The following BSPH1 variants were observed in gnomAD, a reference collection of about 807,000 sequenced individuals.
The protein encoded by BSPH1 is binder of sperm 1.
BSPH1 carries 21 observed loss-of-function variants against 22.5 expected under a neutral mutation model. The observed-to-expected ratio is 0.93, with a 90% CI of 0.66 to 1.35. The LOEUF (loss-of-function observed/expected upper bound fraction) is 1.35, where lower values mean the gene tolerates loss of function less well. Ranked by LOEUF, BSPH1 falls within the 40% of genes most tolerant of loss-of-function variation. The probability of loss-of-function intolerance (pLI) is 0.00; values close to 1 mark genes in which losing one functional copy is unlikely to be tolerated. For synonymous variants in BSPH1, 42 were observed against 53.6 expected (o/e 0.78, Z 0.95); for missense variants, 141 against 154.2 (o/e 0.91, Z 0.45).
chr19:47,972,398 C>T (rs2122239067), intron 5 of BSPH1, among the ~76,000 whole-genome samples: 1 of 150,466 alleles, frequency 6.6e-6, no homozygotes, highest in Middle Eastern at 3.4e-3. Context: ...ACATAATAAA[C>T]ATAGTGCTTT....
intron 5 of BSPH1, among the ~76,000 whole-genome samples, chr19:47,971,995 T>G (rs562233076): frequency 1.1e-5 from 1 of 92,454 alleles, no homozygotes; most frequent in Non-Finnish European, 2.3e-5. Flanking sequence ...GTTCATAGTC[T>G]TTGAAGAAAA....
chr19:47,973,169 A>G (rs1168906890), intron 5 of BSPH1, among the ~76,000 whole-genome samples: 2 of 151,062 alleles, frequency 1.3e-5, no homozygotes, highest in African/African-American at 4.9e-5. Context: ...GTGAGCCGAG[A>G]TCGCGCCACT....
intron 1 of BSPH1, 131 bp downstream of exon 1, chr19:47,991,878 T>C: frequency 2.3e-6 from 1 of 439,224 alleles, no homozygotes; most frequent in Non-Finnish European, 4.3e-6. Context: ...TCCTTCCTCC[T>C]CCTTCCCCTC....
intron 1 of BSPH1, among the ~76,000 whole-genome samples, chr19:47,991,376 C>T (rs1966872824): frequency 6.6e-6 from 1 of 151,862 alleles, no homozygotes; most frequent in Non-Finnish European, 1.5e-5. Context: ...TTCCCTCCTC[C>T]CCACTTCTTC....
intron 1 of BSPH1, among the ~76,000 whole-genome samples, chr19:47,991,196 C>T (rs1019249740): frequency 2.6e-5 from 4 of 152,012 alleles, no homozygotes; most frequent in Non-Finnish European, 5.9e-5. Flanking sequence ...TTAAATACAG[C>T]GCCGACCACA....
At chr19:47,986,609 G>A (rs374827900) in intron 1 of BSPH1, among the ~76,000 whole-genome samples, 2 of 152,146 alleles carry the variant, frequency 1.3e-5, no homozygotes, top group South Asian at 2.1e-4. Flanking sequence ...GCTGGGCATG[G>A]TGGCGTGCAC....
intron 2 of BSPH1, chr19:47,980,416 T>A: frequency 1.9e-6 from 1 of 533,136 alleles, no homozygotes; most frequent in Non-Finnish European, 2.4e-6. Context: ...TGTAATGACA[T>A]GTTTAATCAC....
chr19:47,978,001 G>GATTATATATATAT (rs1555731510), intron 3 of BSPH1, among the ~76,000 whole-genome samples: 1 of 110,458 alleles, frequency 9.1e-6, no homozygotes, highest in Non-Finnish European at 1.9e-5. Flanking sequence ...GTTAATACAG[G>GATTATATATATAT]ATATATATAT....
intron 5 of BSPH1, among the ~76,000 whole-genome samples, chr19:47,968,681 TAAA>T (rs71181616): frequency 0.13 from 12,228 of 92,128 alleles, 779 homozygotes; most frequent in East Asian, 0.33. Context: ...GACCCTGTCT[TAAA>T]AAAAAAAAAA....
chr19:47,979,570 C>A lies in BSPH1; in HGVS notation c.124G>T (p.Asp42Tyr), dbSNP rs1315782366. The stretch of plus-strand genomic sequence containing the variant: ...AATCAAAGTTTTCTGATCGACTTAC[C>A]TGTAACTTCTGGAAAATGAGTTATA... ...ETITHFPEVTDGECVFPFHYK... is the reference protein window; with the variant it reads ...ETITHFPEVTYGECVFPFHYK... The change falls in exon 3 of 6, where the codon GAT becomes TAT. Residue 42 changes from aspartate to tyrosine, a missense_variant and splice_region_variant. Asp to Tyr is a radical substitution (Grantham distance 160, BLOSUM62 -3). Coordinates refer to ENST00000344839, the MANE Select transcript of BSPH1 (RefSeq NM_001128326.2). The A allele has an allele frequency of 1.7e-5, 22 of 1,329,062 alleles. No homozygotes were observed. Among genetic ancestry groups the A allele is most frequent in the Non-Finnish European group, 2.1e-5 (21 of 980,692 alleles). 82.3% of individuals were successfully genotyped at this position (1,329,062 alleles called of 1,614,324 possible). A position where few individuals can be genotyped will look rare whatever the true frequency, so the allele number is the denominator to read the frequency against.
intron 1 of BSPH1, among the ~76,000 whole-genome samples, chr19:47,982,038 G>A: frequency 6.6e-6 from 1 of 152,266 alleles, no homozygotes; most frequent in South Asian, 2.1e-4. Flanking sequence ...AGAATGAATT[G>A]TAGAATAAAT....
At chr19:47,970,605 C>G (rs1969303191) in intron 5 of BSPH1, among the ~76,000 whole-genome samples, 1 of 152,260 alleles carries the variant, frequency 6.6e-6, no homozygotes, top group African/African-American at 2.4e-5. Context: ...GCTAGATTGA[C>G]TTGCATGTGG....
intron 1 of BSPH1, among the ~76,000 whole-genome samples, chr19:47,987,452 C>T (rs1010399016): frequency 4.7e-5 from 7 of 149,296 alleles, no homozygotes; most frequent in Admixed American, 3.4e-4. Flanking sequence ...GTGGCGCTGT[C>T]ATAGCTCACT....
intron 1 of BSPH1, among the ~76,000 whole-genome samples, chr19:47,987,830 A>C (rs1969485380): frequency 6.6e-6 from 1 of 152,020 alleles, no homozygotes; most frequent in Non-Finnish European, 1.5e-5. Context: ...TATCTCTACC[A>C]AAATTACAAA....
intron 5 of BSPH1, among the ~76,000 whole-genome samples, chr19:47,972,408 T>C (rs1295005988): frequency 2.0e-5 from 3 of 152,048 alleles, no homozygotes; most frequent in African/African-American, 7.2e-5. Flanking sequence ...CATAGTGCTT[T>C]ATAGGTAATT....
rs1003401047 is a variant in BSPH1, at chr19:47,992,066, G to A, written c.16C>T (p.Leu6Phe). Residue 6 changes from leucine (L) to phenylalanine (F), a missense_variant, in exon 1 of 6, where the codon CTT (leucine) becomes TTT (phenylalanine). Coordinates refer to ENST00000344839, the MANE Select transcript of BSPH1 (RefSeq NM_001128326.2). MGSLMLLFVETTRNSS... is the reference protein window; with the variant it reads MGSLMFLFVETTRNSS... Reference sequence around the variant, plus strand: ...TTTCGCGTCGTTTCCACGAAGAGAAGCATCAGGGAGCCCATGGGCAGTCAC... The same window carrying A: ...TTTCGCGTCGTTTCCACGAAGAGAAACATCAGGGAGCCCATGGGCAGTCAC... 16 of 1,551,214 alleles carry A rather than the reference G, an allele frequency of 1.0e-5. No individual in the cohort carries two copies. In the African/African-American group the frequency reaches 1.5e-4, roughly 15 times the overall value.
chr19:47,991,809 CCT>C (rs1294864025), intron 1 of BSPH1, among the ~76,000 whole-genome samples, 198 bp downstream of exon 1: 1 of 96,836 alleles, frequency 1.0e-5, no homozygotes, highest in African/African-American at 3.6e-5. Flanking sequence ...CTCTTTCTCC[CCT>C]CCTCCTCCTT....
chr19:47,970,318 C>T (rs1969300737), intron 5 of BSPH1, among the ~76,000 whole-genome samples: 1 of 152,170 alleles, frequency 6.6e-6, no homozygotes, highest in East Asian at 1.9e-4. Flanking sequence ...GTCAGCCTCC[C>T]GAAGTGCTGG....
intron 5 of BSPH1, among the ~76,000 whole-genome samples, chr19:47,974,872 G>T (rs2122242383): frequency 6.6e-6 from 1 of 151,976 alleles, no homozygotes; most frequent in African/African-American, 2.4e-5. Context: ...ACATTTCTCT[G>T]GTCACCTCAC....
Sources: allele counts gnomAD v4.1 joint callset (sites outside exome capture counted in the v4.1 genomes callset), GRCh38; gene constraint gnomAD v4.1.1; transcripts MANE v1.5; gene names NCBI Gene and HGNC (gene_info 2026-07-23, HGNC 2026-07-21).